The following SOS1 variants were observed in gnomAD, a reference collection of about 807,000 sequenced individuals.
SOS1 encodes the protein son of sevenless homolog 1.
In SOS1, 25 loss-of-function variants were observed where a neutral mutation model predicts 157.6. That is an observed-to-expected ratio of 0.16 (90% confidence interval 0.12 to 0.22). The LOEUF is 0.22. SOS1 is among the 10% of genes least tolerant of loss of function. SOS1 has a pLI of 1.00. For synonymous variants in SOS1, 528 were observed against 534.0 expected (o/e 0.99, Z 0.16); for missense variants, 1,237 against 1,599.1 (o/e 0.77, Z 3.86).
At chr2:39,123,465 T>C (rs908820468), upstream of SOS1, among the ~76,000 whole-genome samples, 3 of 152,052 alleles carry the variant, frequency 2.0e-5, no homozygotes, top group Non-Finnish European at 4.4e-5. Flanking sequence ...TCAAGTGATT[T>C]TCCTGCCTCA....
Position 38,997,018 on chromosome 2 carries a change from A to T in SOS1, c.2985T>A (p.Asn995Lys). Residue 995 changes from asparagine to lysine, a missense_variant, in exon 19 of 23, where the codon AAT becomes AAA. By Grantham distance (94) the Asn-to-Lys change is moderately conservative. This residue lies in a region of SOS1 where 34 missense variants were observed against 28.1 expected (regional missense o/e 1.21). Coordinates refer to ENST00000402219, the MANE Select transcript of SOS1 (RefSeq NM_005633.4). The stretch of plus-strand genomic sequence containing the variant: ...CCTTCTCCATGCTATTTCCCATCGG[A>T]TTCAAGTTTTCAAAGAACCTCTAAA... ...SDIKRFFENL[N>K]PMGNSMEKEF... is the part of the protein sequence containing the mutation. 6.3e-7 allele frequency: 1 copy of T among 1,590,594 alleles called. No homozygotes were observed. The highest frequency in any genetic ancestry group is 8.6e-7 in the Non-Finnish European group (1 of 1,159,856).
chr2:39,055,974 T>TA (rs1671197941), intron 4 of SOS1, among the ~76,000 whole-genome samples: 1 of 152,202 alleles, frequency 6.6e-6, no homozygotes, highest in Non-Finnish European at 1.5e-5. Context: ...TAACCTTCAA[T>TA]AAGTGTTTGC....
intron 1 of SOS1, among the ~76,000 whole-genome samples, chr2:39,107,149 G>A (rs1572897282): frequency 6.6e-6 from 1 of 151,854 alleles, no homozygotes; most frequent in African/African-American, 2.4e-5. Flanking sequence ...GGGAAAAACT[G>A]TACTTTATCC....
Position 39,060,877 on chromosome 2 carries a change from A to G in SOS1, c.214-2073T>C, listed in dbSNP as rs546231627. ...AAATAAAAAAATAAAAGCAGTAGAG[A>G]AGGACAGAAGTTGAACTCAACCTAA... On this transcript the variant is annotated intron_variant, in intron 2 of 22. Coordinates refer to ENST00000402219, the MANE Select transcript of SOS1 (RefSeq NM_005633.4). 2.6e-5 allele frequency among the ~76,000 whole-genome samples: 4 copies of G among 152,290 alleles called. No individual in the cohort carries two copies. The South Asian group carries it at 6.2e-4, about 24-fold the overall frequency.
chr2:39,012,127 G>C lies in SOS1; in HGVS notation c.2389C>G (p.Arg797Gly). ...CAACTTGAATGTTAAATTACATACCGGTATAGATCTGATTCAAGTAAAGTG... is the reference window on the plus strand; with the variant it reads ...CAACTTGAATGTTAAATTACATACCCGTATAGATCTGATTCAAGTAAAGTG... Reference protein sequence around the residue: ...QLTLLESDLYRAVQPSELVGS... With the variant: ...QLTLLESDLYGAVQPSELVGS... The change falls in exon 14 of 23, where the codon CGA becomes GGA. Residue 797 changes from arginine to glycine, a missense_variant and splice_region_variant. By Grantham distance (125) the Arg-to-Gly change is moderately radical. Around this residue, in one of 15 missense-constraint regions of SOS1, gnomAD observed 105 missense variants for 236.0 expected, o/e 0.44. Transcript: ENST00000402219. 1 of 1,590,906 alleles carries C rather than the reference G, an allele frequency of 6.3e-7. No homozygotes were observed. The highest frequency in any genetic ancestry group is 8.6e-7 in the Non-Finnish European group (1 of 1,159,036).
rs1467252680 is a variant in SOS1 at position 38,984,458 on chromosome 2, C to T, written c.*1366G>A. The T allele has an allele frequency of 2.6e-5, 4 of 151,626 alleles. No individual in the cohort carries two copies. Among genetic ancestry groups the T allele is most frequent in the Non-Finnish European group, 1.5e-5 (1 of 67,980 alleles). 9.4% of individuals were successfully genotyped at this position (151,626 alleles called of 1,614,324 possible). The stretch of plus-strand genomic sequence containing the variant: ...GCAAGGTAGAATGTTCAATATAAAC[C>T]TTAACAAACTGTATACTTGTTGCTT... On this transcript the variant is annotated 3_prime_UTR_variant, in exon 23 of 23. Transcript: ENST00000402219.
chr2:39,100,920 A>G (rs297156), intron 1 of SOS1, among the ~76,000 whole-genome samples: 135,136 of 152,190 alleles, frequency 0.89, 60,117 homozygotes, highest in Non-Finnish European at 0.92. Context: ...CCTTGTCTCA[A>G]AAAAATAATA....
intron 1 of SOS1, among the ~76,000 whole-genome samples, chr2:39,117,807 C>T (rs1169350247): frequency 1.3e-5 from 2 of 152,214 alleles, no homozygotes; most frequent in African/African-American, 4.8e-5. Flanking sequence ...AATGAACATA[C>T]AGGCTCTACC....
chr2:39,117,759 T>C (rs1001907808), intron 1 of SOS1, among the ~76,000 whole-genome samples: 1 of 152,044 alleles, frequency 6.6e-6, no homozygotes, highest in South Asian at 2.1e-4. Context: ...ATTAGAGAAG[T>C]CGGAGGAGGA....
In SOS1 at chr2:39,086,955, G is replaced by A. The variant is rs916071041; in HGVS notation, c.88-19202C>T. 2.6e-5 allele frequency among the ~76,000 whole-genome samples: 4 copies of A among 152,102 alleles called. No individual in the cohort carries two copies. The East Asian group carries it at 7.7e-4, about 29-fold the overall frequency. The stretch of plus-strand genomic sequence containing the variant: ...AGCCTCCCAAGTAGCTGGGATTACA[G>A]GCGCCCACCACCACATCTGGCTAAT... On this transcript the variant is annotated intron_variant, in intron 1 of 22. Coordinates refer to ENST00000402219, the MANE Select transcript of SOS1 (RefSeq NM_005633.4).
In SOS1 at chr2:38,989,319, G is replaced by C; in HGVS notation, c.3347-5C>G. ...GGATAAAGACGGTATCATTGCCTGTGAAAGGAAACAAGAAAAAGTAGATTT... is the reference window on the plus strand; with the variant it reads ...GGATAAAGACGGTATCATTGCCTGTCAAAGGAAACAAGAAAAAGTAGATTT... On this transcript the variant is annotated splice_polypyrimidine_tract_variant and splice_region_variant and intron_variant, in intron 20 of 22. Transcript: ENST00000402219. 6.3e-7 allele frequency: 1 copy of C among 1,598,070 alleles called. No homozygotes were observed. The highest frequency in any genetic ancestry group is 8.6e-7 in the Non-Finnish European group (1 of 1,165,846).
At chr2:38,998,530 C>T (rs1470346725) in intron 17 of SOS1, among the ~76,000 whole-genome samples, 1 of 152,136 alleles carries the variant, frequency 6.6e-6, no homozygotes, top group Non-Finnish European at 1.5e-5. Flanking sequence ...GGATTACAAG[C>T]GTGAGTCACC....
chr2:39,084,544 T>C (rs1166603148), intron 1 of SOS1, among the ~76,000 whole-genome samples: 1 of 152,040 alleles, frequency 6.6e-6, no homozygotes, highest in South Asian at 2.1e-4. Flanking sequence ...GAATCATTCC[T>C]CCCCCAAAGC....
intron 1 of SOS1, among the ~76,000 whole-genome samples, chr2:39,083,209 C>G (rs943175938): frequency 6.6e-6 from 1 of 152,056 alleles, no homozygotes; most frequent in African/African-American, 2.4e-5. Flanking sequence ...GATTAACTTT[C>G]ACACAGGTAA....
chr2:39,063,403 T>C (rs896753888), intron 2 of SOS1, among the ~76,000 whole-genome samples: 1 of 152,194 alleles, frequency 6.6e-6, no homozygotes, highest in African/African-American at 2.4e-5. Flanking sequence ...GACTTAAGCA[T>C]CCATGGATTT....
At chr2:39,076,190 A>T (rs376391833) in intron 1 of SOS1, among the ~76,000 whole-genome samples, 2 of 152,150 alleles carry the variant, frequency 1.3e-5, no homozygotes, top group East Asian at 1.9e-4. Flanking sequence ...CTTGAGCTCA[A>T]GAGTTTTGAG....
At chr2:39,009,210 C>A (rs776262365) in intron 15 of SOS1, among the ~76,000 whole-genome samples, 74 of 151,648 alleles carry the variant, frequency 4.9e-4, no homozygotes, top group Non-Finnish European at 9.4e-4. Flanking sequence ...AGTACAATAA[C>A]TGAAATAAAA....
At chr2:39,107,588 A>T (rs778127506) in intron 1 of SOS1, among the ~76,000 whole-genome samples, 12 of 149,730 alleles carry the variant, frequency 8.0e-5, no homozygotes, top group Non-Finnish European at 1.3e-4. Flanking sequence ...GCTTAATCCC[A>T]TCTTGGCATC....
At chr2:39,009,245 A>G (rs1381868684) in intron 15 of SOS1, among the ~76,000 whole-genome samples, 4 of 152,156 alleles carry the variant, frequency 2.6e-5, no homozygotes, top group East Asian at 3.8e-4. Flanking sequence ...GCTCAATAGT[A>G]TATTTGAACT....
Sources: allele counts gnomAD v4.1 joint callset (sites outside exome capture counted in the v4.1 genomes callset), GRCh38; gene constraint gnomAD v4.1.1; regional missense constraint gnomAD v4.1.1; transcripts MANE v1.5; gene names NCBI Gene and HGNC (gene_info 2026-07-23, HGNC 2026-07-21).